CACNA2D1: variants seen among roughly 807,000 people sequenced by gnomAD.
The protein encoded by CACNA2D1 is voltage-dependent calcium channel subunit alpha-2/delta-1.
In CACNA2D1, 53 loss-of-function variants were observed where a neutral mutation model predicts 171.5. The observed-to-expected ratio is 0.31, with a 90% CI of 0.25 to 0.39. The LOEUF (loss-of-function observed/expected upper bound fraction) is 0.39, where lower values mean the gene tolerates loss of function less well. Ranked by LOEUF, CACNA2D1 falls within the 10% of genes least tolerant of loss-of-function variation. The pLI, the probability that CACNA2D1 is intolerant of heterozygous loss-of-function variation, is 1.00. For missense variants in CACNA2D1, 903 were observed against 1,299.8 expected, an observed-to-expected ratio of 0.69 and a Z score of 4.69; for synonymous variants, 442 against 443.1, an observed-to-expected ratio of 1.00 and a Z score of 0.03.
chr7:82,170,251 C>A (rs1355741244), intron 4 of CACNA2D1, among the ~76,000 whole-genome samples: 2 of 151,440 alleles, frequency 1.3e-5, no homozygotes, highest in Non-Finnish European at 2.9e-5. Context: ...AAATTTAATG[C>A]TATTTTTAAT....
chr7:82,317,423 T>G (rs1219818101), intron 3 of CACNA2D1, among the ~76,000 whole-genome samples: 1 of 152,142 alleles, frequency 6.6e-6, no homozygotes, highest in Non-Finnish European at 1.5e-5. Flanking sequence ...TGCTTTTAAG[T>G]CTTTAAACTG....
chr7:82,321,849 G>A (rs4728501), intron 3 of CACNA2D1, among the ~76,000 whole-genome samples: 23,764 of 152,058 alleles, frequency 0.16, 2,022 homozygotes, highest in South Asian at 0.28. Context: ...CTAAGTGGCC[G>A]GGCGCGGTGG....
intron 4 of CACNA2D1, among the ~76,000 whole-genome samples, chr7:82,148,469 A>ACTC (rs1793411306): frequency 1.3e-5 from 2 of 152,144 alleles, no homozygotes; most frequent in Non-Finnish European, 2.9e-5. Context: ...TAGGTAGGAA[A>ACTC]CAGTGGGAGA....
intron 7 of CACNA2D1, among the ~76,000 whole-genome samples, chr7:82,080,553 C>G (rs1809623245): frequency 6.6e-6 from 1 of 152,042 alleles, no homozygotes. Flanking sequence ...CTTTGAATTT[C>G]AATAAAAAAT....
At chr7:82,426,396 C>A (rs915921616) in intron 1 of CACNA2D1, among the ~76,000 whole-genome samples, 1 of 151,906 alleles carries the variant, frequency 6.6e-6, no homozygotes, top group African/African-American at 2.4e-5. Flanking sequence ...CTGCACACAC[C>A]CCTCTTCTAT....
chr7:82,212,521 G>A (rs1268545044), intron 3 of CACNA2D1, among the ~76,000 whole-genome samples: 1 of 152,146 alleles, frequency 6.6e-6, no homozygotes, highest in Non-Finnish European at 1.5e-5. Flanking sequence ...TAAGCCTATA[G>A]TTACTATGTG....
intron 3 of CACNA2D1, among the ~76,000 whole-genome samples, chr7:82,186,255 AAAGGAAGGAAGGAAGG>A (rs202046885): frequency 4.5e-5 from 5 of 111,424 alleles, no homozygotes; most frequent in Admixed American, 9.2e-5. Flanking sequence ...AGGAAGGAAG[AAAGGAAGGAAGGAAGG>A]AAGGAAGGAA....
intron 3 of CACNA2D1, among the ~76,000 whole-genome samples, chr7:82,255,964 A>C (rs1806247846): frequency 6.6e-6 from 1 of 152,148 alleles, no homozygotes; most frequent in Non-Finnish European, 1.5e-5. Context: ...ACACTGAGTG[A>C]CAGAAGCCAT....
chr7:81,993,354 A>G (rs1416171199), intron 20 of CACNA2D1, among the ~76,000 whole-genome samples: 3 of 152,164 alleles, frequency 2.0e-5, no homozygotes, highest in Non-Finnish European at 2.9e-5. Context: ...TTCCTAGCTC[A>G]TCAATATGGA....
chr7:82,071,898 A>G (rs2128993006), intron 7 of CACNA2D1, among the ~76,000 whole-genome samples: 1 of 152,248 alleles, frequency 6.6e-6, no homozygotes, highest in East Asian at 1.9e-4. Context: ...TTTGGCCTCA[A>G]AAGTTTTACG....
intron 23 of CACNA2D1, 62 bp downstream of exon 23, chr7:81,983,252 A>G (rs1796616185): frequency 8.1e-6 from 11 of 1,363,756 alleles, no homozygotes; most frequent in Non-Finnish European, 1.2e-5. Context: ...AGGAAGGAAA[A>G]TATCAGTGGA....
rs1405674357 is a variant in CACNA2D1, at chr7:82,033,563, A to G, written c.1039-662T>C. Among the ~76,000 whole-genome samples, 3 of 152,164 alleles carry G rather than the reference A, an allele frequency of 2.0e-5. No individual in the cohort carries two copies. The East Asian group carries it at 5.8e-4, about 29-fold the overall frequency. On this transcript the variant is annotated intron_variant, in intron 11 of 38. Transcript: ENST00000356860. ...CACATGTTTGAAATCACAAATCCTA[A>G]CACTGGTCACCTAAAATGCAATGCT... is the stretch of plus-strand genomic sequence containing the variant.
intron 4 of CACNA2D1, among the ~76,000 whole-genome samples, chr7:82,149,796 A>AAAAAAAGAAAAG (rs1793594994): frequency 3.4e-4 from 46 of 136,780 alleles, no homozygotes; most frequent in East Asian, 8.9e-4. Flanking sequence ...ACAAACAACA[A>AAAAAAAGAAAAG]AAAAAAAAAC....
At position 81,950,177 on chromosome 7, in the gene CACNA2D1, A is replaced by T; in HGVS notation, c.*215T>A. Reference sequence around the variant, plus strand: ...AGGATTTTGCTTTGATGTTACACATAGATGATGCAGCATTCACACACGTTT... The same window carrying T: ...AGGATTTTGCTTTGATGTTACACATTGATGATGCAGCATTCACACACGTTT... On this transcript the variant is annotated 3_prime_UTR_variant, in exon 39 of 39. Transcript: ENST00000356860. 1 of 754,000 alleles carries T rather than the reference A, an allele frequency of 1.3e-6. No individual in the cohort carries two copies. Among genetic ancestry groups the T allele is most frequent in the Non-Finnish European group, 2.1e-6 (1 of 477,408 alleles). 46.7% of individuals were successfully genotyped at this position (754,000 alleles called of 1,614,324 possible). A position where few individuals can be genotyped will look rare whatever the true frequency, so the allele number is the denominator to read the frequency against.
chr7:82,142,886 A>C (rs1792560805), intron 4 of CACNA2D1, among the ~76,000 whole-genome samples: 1 of 152,220 alleles, frequency 6.6e-6, no homozygotes, highest in Non-Finnish European at 1.5e-5. Flanking sequence ...TTTATAGCTC[A>C]AATTTTCTGG....
At chr7:82,276,504 T>C (rs964518567) in intron 3 of CACNA2D1, among the ~76,000 whole-genome samples, 13 of 152,172 alleles carry the variant, frequency 8.5e-5, no homozygotes, top group Non-Finnish European at 1.6e-4. Flanking sequence ...CAGGTAGCAA[T>C]GTAAACTATG....
chr7:82,369,152 A>G (rs1822073576), intron 1 of CACNA2D1, among the ~76,000 whole-genome samples: 4 of 152,222 alleles, frequency 2.6e-5, no homozygotes, highest in Admixed American at 2.0e-4. Context: ...ACAATTATCA[A>G]AAAGAGTTTT....
intron 1 of CACNA2D1, among the ~76,000 whole-genome samples, chr7:82,375,028 C>T (rs577976505): frequency 1.3e-5 from 2 of 152,004 alleles, no homozygotes; most frequent in South Asian, 2.1e-4. Context: ...GGCACTAATG[C>T]GAAGGAATAT....
chr7:82,064,057 A>T (rs1276841378), intron 9 of CACNA2D1, among the ~76,000 whole-genome samples: 2 of 151,930 alleles, frequency 1.3e-5, no homozygotes, highest in African/African-American at 4.8e-5. Context: ...AATATATTTC[A>T]TATTTAACAT....
Sources: allele counts gnomAD v4.1 joint callset (sites outside exome capture counted in the v4.1 genomes callset), GRCh38; gene constraint gnomAD v4.1.1; transcripts MANE v1.5; gene names NCBI Gene and HGNC (gene_info 2026-07-23, HGNC 2026-07-21).